Variants in NTPCR observed in about 807,000 individuals in gnomAD.
The protein encoded by NTPCR is cancer-related nucleoside-triphosphatase.
A neutral mutation model predicts 19.5 loss-of-function variants in NTPCR; 15 were observed. That is an observed-to-expected ratio of 0.77 (90% CI 0.51 to 1.18). The LOEUF is 1.18. Among genes scored for constraint, NTPCR ranks in the 50% most tolerant of loss-of-function variants. NTPCR has a pLI of 0.00. For synonymous variants in NTPCR, 90 were observed against 95.8 expected, an observed-to-expected ratio of 0.94 and a Z score of 0.36; for missense variants, 206 against 240.4, an observed-to-expected ratio of 0.86 and a Z score of 0.95.
At chr1:232,954,704 A>T (rs1668464007) in intron 1 of NTPCR, among the ~76,000 whole-genome samples, 1 of 152,228 alleles carries the variant, frequency 6.6e-6, no homozygotes, top group Non-Finnish European at 1.5e-5. Context: ...GGACTTAACC[A>T]AGAAAATGCT....
chr1:232,970,315 G>A (rs1668941424), intron 4 of NTPCR, among the ~76,000 whole-genome samples, 197 bp downstream of exon 4: 1 of 152,096 alleles, frequency 6.6e-6, no homozygotes, highest in South Asian at 2.1e-4. Flanking sequence ...CTCGCTTATG[G>A]GGGGGCCTCC....
intron 3 of NTPCR, among the ~76,000 whole-genome samples, chr1:232,957,170 ATAT>A (rs1273338402): frequency 2.0e-5 from 3 of 152,046 alleles, no homozygotes; most frequent in Non-Finnish European, 4.4e-5. Context: ...TTTTCTTGGG[ATAT>A]TGTTGTTTAG....
intron 3 of NTPCR, among the ~76,000 whole-genome samples, chr1:232,957,912 A>C (rs2102740574): frequency 6.6e-6 from 1 of 152,272 alleles, no homozygotes. Flanking sequence ...AACAGGTGAG[A>C]GGGCATTGGG....
Position 232,981,142 on chromosome 1 carries a change from G to A in NTPCR, c.*2911G>A, listed in dbSNP as rs970807452. On this transcript the variant is annotated 3_prime_UTR_variant, in exon 5 of 5. Transcript: ENST00000366628. ...GATCATACCGCCAGCTGCTTAACAC[G>A]TAATAGTTTAATAAATTGTTTCTTC... is the stretch of plus-strand genomic sequence containing the variant. 2.0e-5 allele frequency: 3 copies of A among 152,170 alleles called. No homozygotes were observed. Among genetic ancestry groups the A allele is most frequent in the Non-Finnish European group, 2.9e-5 (2 of 68,038 alleles). The allele number at this position is 152,170 out of a possible 1,614,324, so 9.4% of individuals were successfully genotyped here. A position where few individuals can be genotyped will look rare whatever the true frequency, so the allele number is the denominator to read the frequency against.
At chr1:232,975,404 A>G (rs1274042491) in intron 4 of NTPCR, among the ~76,000 whole-genome samples, 5 of 152,210 alleles carry the variant, frequency 3.3e-5, no homozygotes, top group Admixed American at 2.6e-4. Flanking sequence ...GCACAGATGC[A>G]GTACCAGATA....
intron 3 of NTPCR, among the ~76,000 whole-genome samples, chr1:232,960,412 C>T (rs1485395083): frequency 6.6e-6 from 1 of 151,140 alleles, no homozygotes; most frequent in African/African-American, 2.4e-5. Context: ...GGCGCCATCT[C>T]AGCTCACTGC....
chr1:232,976,532 C>T, intron 4 of NTPCR: 1 of 1,527,452 alleles, frequency 6.5e-7, no homozygotes, highest in Non-Finnish European at 8.8e-7. Flanking sequence ...TGAATGCAAA[C>T]AACAGGAATG....
At chr1:232,970,962 C>T (rs558651039) in intron 4 of NTPCR, among the ~76,000 whole-genome samples, 7 of 152,202 alleles carry the variant, frequency 4.6e-5, no homozygotes, top group Non-Finnish European at 1.0e-4. Context: ...GGCAAGTTCT[C>T]ATGTGGTTTT....
At chr1:232,964,556 G>C (rs1389445782) in intron 3 of NTPCR, 1 of 151,976 alleles carries the variant, frequency 6.6e-6, no homozygotes, top group Admixed American at 6.6e-5. Flanking sequence ...TTTCTCTTGA[G>C]GCCTTAATTG....
At chr1:232,958,785 A>G (rs1430458867) in intron 3 of NTPCR, among the ~76,000 whole-genome samples, 1 of 152,196 alleles carries the variant, frequency 6.6e-6, no homozygotes, top group Non-Finnish European at 1.5e-5. Context: ...AAGTCAAGTG[A>G]AATACTTCAA....
Position 232,950,737 on chromosome 1 carries a change from G to A in NTPCR, c.27G>A (p.Gly9=), listed in dbSNP as rs766187197. 2.1e-5 allele frequency: 34 copies of A among 1,601,408 alleles called. No individual in the cohort carries two copies. Among genetic ancestry groups the A allele is most frequent in the Non-Finnish European group, 2.8e-5 (33 of 1,173,234 alleles). ...TGGCCCGGCACGTGTTCCTAACGGG[G>A]CCCCCAGGTAACCCTGAGGGGATCC... MARHVFLT[G]PPGVGKTTLI... The change falls in exon 1 of 5, where the codon GGG becomes GGA. Residue 9 remains glycine (G), a synonymous_variant. Transcript: ENST00000366628.
At chr1:232,954,335 T>C (rs1668454338) in intron 1 of NTPCR, among the ~76,000 whole-genome samples, 1 of 152,232 alleles carries the variant, frequency 6.6e-6, no homozygotes, top group Admixed American at 6.5e-5. Context: ...TGAAGATAGA[T>C]ACATTAAATA....
chr1:232,960,911 G>A (rs976902070), intron 3 of NTPCR, among the ~76,000 whole-genome samples: 2 of 152,138 alleles, frequency 1.3e-5, no homozygotes, highest in African/African-American at 2.4e-5. Context: ...AACACAATGT[G>A]AATAACTCAT....
At chr1:232,975,597 G>A (rs1255464066) in intron 4 of NTPCR, among the ~76,000 whole-genome samples, 1 of 152,156 alleles carries the variant, frequency 6.6e-6, no homozygotes, top group Non-Finnish European at 1.5e-5. Context: ...GATTGGATCT[G>A]GAGGTCACAG....
At chr1:232,963,156 A>C (rs1668713569) in intron 3 of NTPCR, 1 of 152,232 alleles carries the variant, frequency 6.6e-6, no homozygotes, top group African/African-American at 2.4e-5. Flanking sequence ...CAGGGAAATT[A>C]AAAGCTATCT....
chr1:232,976,399 ACT>A (rs1669125007), intron 4 of NTPCR: 1 of 1,550,268 alleles, frequency 6.5e-7, no homozygotes, highest in Non-Finnish European at 8.7e-7. Flanking sequence ...ATCACAGTCC[ACT>A]CTCACAGAGC....
intron 1 of NTPCR, among the ~76,000 whole-genome samples, 181 bp from the exon 2 acceptor site, chr1:232,955,376 C>T (rs540980808): frequency 6.6e-6 from 1 of 152,238 alleles, no homozygotes; most frequent in African/African-American, 2.4e-5. Flanking sequence ...TGAAATTAAG[C>T]ATTTTTAGCA....
At chr1:232,976,352 G>A (rs1363568889) in intron 4 of NTPCR, 2 of 1,543,918 alleles carry the variant, frequency 1.3e-6, no homozygotes, top group Non-Finnish European at 1.7e-6. Flanking sequence ...TCACCGTACT[G>A]TGTCATAGAA....
At chr1:232,970,516 T>A (rs72759987) in intron 4 of NTPCR, among the ~76,000 whole-genome samples, 1 of 152,120 alleles carries the variant, frequency 6.6e-6, no homozygotes, top group Admixed American at 6.5e-5. Context: ...CTTTTAAAGC[T>A]GACCCACTTG....
Sources: gnomAD v4.1 joint callset for allele counts (sites outside exome capture counted in the v4.1 genomes callset) on GRCh38, gnomAD v4.1.1 for gene constraint, MANE v1.5 for transcripts, NCBI Gene and HGNC (gene_info 2026-07-23, HGNC 2026-07-21) for gene names.